The following LRFN5 variants were observed in gnomAD, a reference collection of about 807,000 sequenced individuals.
LRFN5 encodes the protein leucine rich repeat and fibronectin type III domain containing 5, also known as leucine-rich repeat and fibronectin type-III domain-containing protein 5.
LRFN5 carries 24 observed loss-of-function variants against 45.6 expected under a neutral mutation model. That is an observed-to-expected ratio of 0.53 (90% CI 0.38 to 0.74). LRFN5 has a LOEUF of 0.74. Ranked by LOEUF, LRFN5 falls within the 30% of genes least tolerant of loss-of-function variation. The pLI, the probability that LRFN5 is intolerant of heterozygous loss-of-function variation, is 0.00. For synonymous variants in LRFN5, 340 were observed against 313.8 expected, an observed-to-expected ratio of 1.08 and a Z score of -0.88; for missense variants, 776 against 861.5, an observed-to-expected ratio of 0.90 and a Z score of 1.24.
At chr14:41,695,272 T>C (rs1045225700) in intron 1 of LRFN5, among the ~76,000 whole-genome samples, 6 of 151,904 alleles carry the variant, frequency 3.9e-5, no homozygotes. Flanking sequence ...ATGAGACTTA[T>C]AGAAAGAAGG....
intron 2 of LRFN5, among the ~76,000 whole-genome samples, chr14:41,845,890 G>C (rs1300030769): frequency 6.6e-6 from 1 of 152,128 alleles, no homozygotes; most frequent in Non-Finnish European, 1.5e-5. Context: ...ATGAATAAGA[G>C]GGACATTTTC....
chr14:41,703,785 G>T (rs1882934995), intron 1 of LRFN5, among the ~76,000 whole-genome samples: 1 of 152,084 alleles, frequency 6.6e-6, no homozygotes. Context: ...TACAATAAAT[G>T]TAAGTATTTT....
chr14:41,827,379 A>G (rs558025833), intron 2 of LRFN5, among the ~76,000 whole-genome samples: 1 of 152,236 alleles, frequency 6.6e-6, no homozygotes, highest in South Asian at 2.1e-4. Context: ...ATGCTGGAAT[A>G]TAAATTTGAA....
chr14:41,640,298 C>T (rs1879516341), intron 1 of LRFN5, among the ~76,000 whole-genome samples: 1 of 152,026 alleles, frequency 6.6e-6, no homozygotes, highest in African/African-American at 2.4e-5. Flanking sequence ...TAATATAAAA[C>T]ATACACTTTT....
At position 41,891,814 on chromosome 14, in the gene LRFN5, G is replaced by C; in HGVS notation, c.1950G>C (p.Lys650Asn). ...AGCAGAAAAGAAAGACTGGCACAAA[G>C]CCAAGTACAGAACCACAGAATGAAG... is the stretch of plus-strand genomic sequence containing the variant. ...SQKQKRKTGTKPSTEPQNEAV... is the reference protein window; with the variant it reads ...SQKQKRKTGTNPSTEPQNEAV... Residue 650 changes from lysine (K) to asparagine (N), a missense_variant, in exon 4 of 6, where the codon AAG becomes AAC. Physicochemically the swap from Lys to Asn is moderately conservative, Grantham distance 94. Around this residue, in one of 2 missense-constraint regions of LRFN5, gnomAD observed 465 missense variants for 456.4 expected, o/e 1.02. Coordinates refer to ENST00000298119, the MANE Select transcript of LRFN5 (RefSeq NM_152447.5). 3 of 1,614,138 alleles carry C rather than the reference G, an allele frequency of 1.9e-6. No individual in the cohort carries two copies. Among genetic ancestry groups the C allele is most frequent in the Non-Finnish European group, 2.5e-6 (3 of 1,180,022 alleles).
At chr14:41,781,558 G>GAAAGAA (rs1555317470) in intron 2 of LRFN5, among the ~76,000 whole-genome samples, 2 of 106,934 alleles carry the variant, frequency 1.9e-5, no homozygotes, top group African/African-American at 3.8e-5. Flanking sequence ...AGAAAAGAAA[G>GAAAGAA]AGAAAGAAAG....
At chr14:41,628,300 C>T (rs1276955880) in intron 1 of LRFN5, among the ~76,000 whole-genome samples, 1 of 152,094 alleles carries the variant, frequency 6.6e-6, no homozygotes, top group African/African-American at 2.4e-5. Flanking sequence ...TAGGCTGGTC[C>T]TCTTTTTCTC....
intron 1 of LRFN5, among the ~76,000 whole-genome samples, chr14:41,609,558 C>G (rs1382577143): frequency 1.3e-5 from 2 of 152,082 alleles, no homozygotes; most frequent in Non-Finnish European, 2.9e-5. Flanking sequence ...TTCGTCTTAT[C>G]TCAGCGCCCG....
chr14:41,620,638 A>G (rs1041066606), intron 1 of LRFN5, among the ~76,000 whole-genome samples: 1 of 152,070 alleles, frequency 6.6e-6, no homozygotes, highest in South Asian at 2.1e-4. Context: ...GAAAATTAAA[A>G]TATTGTTTAA....
intron 1 of LRFN5, among the ~76,000 whole-genome samples, chr14:41,722,407 A>G (rs1883757286): frequency 6.6e-6 from 1 of 152,092 alleles, no homozygotes; most frequent in African/African-American, 2.4e-5. Flanking sequence ...AGCTAGTGTG[A>G]TCCATTGGTT....
rs78282146 is a variant in LRFN5 at position 41,766,064 on chromosome 14, C to T, written c.-196-790C>T. 4.4e-3 allele frequency among the ~76,000 whole-genome samples: 665 copies of T among 152,152 alleles called. 5 individuals are homozygous for T. Among genetic ancestry groups the T allele is most frequent in the African/African-American group, 0.015 (621 of 41,514 alleles). On this transcript the variant is annotated intron_variant, in intron 1 of 5. Coordinates refer to ENST00000298119, the MANE Select transcript of LRFN5 (RefSeq NM_152447.5). ...TTGGAATTTCATTATTTCTCACTTT[C>T]GCTTCTTCAGACAAAATAAGTTATA... is the stretch of plus-strand genomic sequence containing the variant.
chr14:41,713,873 A>T (rs1268553507), intron 1 of LRFN5, among the ~76,000 whole-genome samples: 1 of 152,152 alleles, frequency 6.6e-6, no homozygotes, highest in Non-Finnish European at 1.5e-5. Context: ...TAGGAATGTA[A>T]TAATTCCAGA....
At chr14:41,632,316 G>A (rs1234359708) in intron 1 of LRFN5, among the ~76,000 whole-genome samples, 1 of 152,062 alleles carries the variant, frequency 6.6e-6, no homozygotes, top group Non-Finnish European at 1.5e-5. Flanking sequence ...AAATGTAGGT[G>A]TTGTTGGCCG....
intron 1 of LRFN5, among the ~76,000 whole-genome samples, chr14:41,679,116 A>T (rs1223122079): frequency 1.3e-5 from 2 of 152,192 alleles, no homozygotes; most frequent in Non-Finnish European, 2.9e-5. Context: ...AGTTCTGGCA[A>T]GCCCCACCAC....
At chr14:41,800,986 A>T (rs1451854124) in intron 2 of LRFN5, among the ~76,000 whole-genome samples, 1 of 152,094 alleles carries the variant, frequency 6.6e-6, no homozygotes, top group Non-Finnish European at 1.5e-5. Flanking sequence ...ACTTTTCAAC[A>T]ATCCTATGGC....
intron 1 of LRFN5, among the ~76,000 whole-genome samples, chr14:41,712,445 T>G (rs892913675): frequency 6.6e-6 from 1 of 152,106 alleles, no homozygotes; most frequent in Non-Finnish European, 1.5e-5. Context: ...ACGTTCTGAA[T>G]TTTGCGTTAG....
intron 1 of LRFN5, among the ~76,000 whole-genome samples, chr14:41,749,208 C>T (rs920722167): frequency 3.0e-5 from 3 of 100,568 alleles, no homozygotes; most frequent in Non-Finnish European, 5.2e-5. Flanking sequence ...AATACATGAG[C>T]GTTGAGAGAC....
chr14:41,701,227 C>T (rs1882828864), intron 1 of LRFN5: 1 of 152,080 alleles, frequency 6.6e-6, no homozygotes, highest in Non-Finnish European at 1.5e-5. Context: ...TTTATCACTC[C>T]AAGTATTCAC....
intron 1 of LRFN5, among the ~76,000 whole-genome samples, chr14:41,705,459 A>G (rs1013975985): frequency 6.6e-6 from 1 of 152,226 alleles, no homozygotes; most frequent in Admixed American, 6.5e-5. Context: ...AAAATATTTT[A>G]GTAATTGTGA....
Sources: gnomAD v4.1 joint callset for allele counts (sites outside exome capture counted in the v4.1 genomes callset) on GRCh38, gnomAD v4.1.1 for gene constraint, gnomAD v4.1.1 regional missense constraint, MANE v1.5 for transcripts, NCBI Gene and HGNC (gene_info 2026-07-23, HGNC 2026-07-21) for gene names.